Variants in ATL1 observed in about 807,000 individuals in gnomAD.
ATL1 encodes the protein atlastin GTPase 1, also known as atlastin-1.
Under a neutral mutation model 75.5 loss-of-function variants are expected in ATL1, and 31 were observed. The ratio of observed to expected loss-of-function variants is 0.41; its 90% CI spans 0.31 to 0.55. The LOEUF is 0.55. ATL1 is among the 20% of genes least tolerant of loss of function. The pLI, the probability that ATL1 is intolerant of heterozygous loss-of-function variation, is 0.27. For missense variants in ATL1, 405 were observed against 662.6 expected (o/e 0.61, Z 4.27); for synonymous variants, 226 against 233.3 (o/e 0.97, Z 0.28).
At chr14:50,591,428 A>G (rs1251915612) in intron 3 of ATL1, 107 bp from the exon 4 acceptor site, 3 of 746,748 alleles carry the variant, frequency 4.0e-6, no homozygotes, top group African/African-American at 3.5e-5. Flanking sequence ...TATCTAAAAT[A>G]GTATTGATTA....
chr14:50,543,020 A>C (rs941862152), intron 1 of ATL1, among the ~76,000 whole-genome samples: 1 of 152,246 alleles, frequency 6.6e-6, no homozygotes, highest in African/African-American at 2.4e-5. Context: ...AAAATTGCCC[A>C]GAATGTGAAA....
At chr14:50,543,307 G>A (rs1303009463) in intron 1 of ATL1, among the ~76,000 whole-genome samples, 1 of 152,240 alleles carries the variant, frequency 6.6e-6, no homozygotes, top group Non-Finnish European at 1.5e-5. Context: ...TCCCTTGACA[G>A]ATAAGTCAAC....
chr14:50,534,948 A>G (rs138411811), intron 1 of ATL1, among the ~76,000 whole-genome samples: 318 of 152,346 alleles, frequency 2.1e-3, no homozygotes, highest in African/African-American at 7.4e-3. Context: ...GTTGAAGTTT[A>G]TGTAATAATA....
At chr14:50,580,026 T>A (rs1024166649) in intron 1 of ATL1, among the ~76,000 whole-genome samples, 3 of 152,248 alleles carry the variant, frequency 2.0e-5, no homozygotes, top group Non-Finnish European at 4.4e-5. Flanking sequence ...TTAACTTTTT[T>A]AATCTACTGC....
chr14:50,567,746 GTTGT>G (rs752347228), intron 1 of ATL1, among the ~76,000 whole-genome samples: 1 of 152,076 alleles, frequency 6.6e-6, no homozygotes, highest in African/African-American at 2.4e-5. Flanking sequence ...TTGATCATTT[GTTGT>G]TTAAGAGTGT....
rs374951556 is a variant in ATL1, at chr14:50,583,336, A to G, written c.35-4495A>G. ...ACATTTAAAAAACCCAAAAGTATCT[A>G]CATAAATTTTACAGGAAATAATAAA... is the stretch of plus-strand genomic sequence containing the variant. On this transcript the variant is annotated intron_variant, in intron 1 of 13. Transcript: ENST00000358385. Among the ~76,000 whole-genome samples the G allele has an allele frequency of 9.8e-5, 15 of 152,354 alleles. No individual in the cohort carries two copies. The East Asian group carries it at 2.9e-3, about 29-fold the overall frequency.
upstream of ATL1, among the ~76,000 whole-genome samples, chr14:50,556,150 A>G (rs767911132): frequency 2.0e-4 from 31 of 152,190 alleles, no homozygotes; most frequent in Non-Finnish European, 2.8e-4. Context: ...TGACTTTTTA[A>G]AAACATTTGT....
At chr14:50,580,023 T>G (rs934098361) in intron 1 of ATL1, among the ~76,000 whole-genome samples, 4 of 152,242 alleles carry the variant, frequency 2.6e-5, no homozygotes, top group Non-Finnish European at 5.9e-5. Context: ...AAATTAACTT[T>G]TTTAATCTAC....
chr14:50,600,179 A>T (rs965214786), intron 6 of ATL1, among the ~76,000 whole-genome samples: 2 of 152,080 alleles, frequency 1.3e-5, no homozygotes, highest in Non-Finnish European at 2.9e-5. Context: ...TGCCAGAAAC[A>T]TTAAAACTGG....
At chr14:50,590,865 A>G (rs1256615134) in intron 2 of ATL1, 76 bp from the exon 3 acceptor site, 2 of 1,468,194 alleles carry the variant, frequency 1.4e-6, no homozygotes, top group Non-Finnish European at 9.5e-7. Context: ...GGAGAGGGAT[A>G]AGAATCAGAA....
chr14:50,564,476 C>T (rs1260559241), intron 1 of ATL1, among the ~76,000 whole-genome samples: 1 of 151,456 alleles, frequency 6.6e-6, no homozygotes, highest in African/African-American at 2.4e-5. Flanking sequence ...GGTGAAACCC[C>T]GTCTCTACTG....
At chr14:50,573,539 T>C (rs1314137050) in intron 1 of ATL1, among the ~76,000 whole-genome samples, 1 of 152,220 alleles carries the variant, frequency 6.6e-6, no homozygotes, top group Non-Finnish European at 1.5e-5. Context: ...ATTCGATTTA[T>C]GTACTAATGC....
At chr14:50,542,955 G>A (rs981062715) in intron 1 of ATL1, among the ~76,000 whole-genome samples, 1 of 152,226 alleles carries the variant, frequency 6.6e-6, no homozygotes, top group Admixed American at 6.5e-5. Context: ...TTACTTGGAA[G>A]GAAGAAGATT....
chr14:50,590,886 GA>G, intron 2 of ATL1, 54 bp from the exon 3 acceptor site: 1 of 1,577,488 alleles, frequency 6.3e-7, no homozygotes. Flanking sequence ...TGAATGAATG[GA>G]AAAAACTATA....
chr14:50,535,854 G>T (rs2038484574), intron 1 of ATL1, among the ~76,000 whole-genome samples: 1 of 152,172 alleles, frequency 6.6e-6, no homozygotes, highest in African/African-American at 2.4e-5. Flanking sequence ...CCCACGTGTT[G>T]TGGGAGGGAC....
intron 11 of ATL1, among the ~76,000 whole-genome samples, chr14:50,623,950 G>A (rs2039492199): frequency 6.6e-6 from 1 of 152,168 alleles, no homozygotes; most frequent in Non-Finnish European, 1.5e-5. Flanking sequence ...AGCTACTTGG[G>A]AGGCTGAAGC....
At chr14:50,550,113 G>A (rs2038683134) in intron 1 of ATL1, among the ~76,000 whole-genome samples, 1 of 152,178 alleles carries the variant, frequency 6.6e-6, no homozygotes, top group Non-Finnish European at 1.5e-5. Flanking sequence ...TTTGAGGGAG[G>A]TCTGAGAGCC....
intron 1 of ATL1, among the ~76,000 whole-genome samples, chr14:50,576,882 T>C (rs1566719498): frequency 1.3e-5 from 2 of 151,898 alleles, no homozygotes; most frequent in African/African-American, 4.8e-5. Flanking sequence ...CAGCCTATTT[T>C]AGATTAGCAA....
At chr14:50,552,784 A>G (rs967907556) in intron 1 of ATL1, among the ~76,000 whole-genome samples, 1 of 152,202 alleles carries the variant, frequency 6.6e-6, no homozygotes, top group Non-Finnish European at 1.5e-5. Context: ...TATTCAATAA[A>G]TGGTGCTGGG....
Sources: allele counts gnomAD v4.1 joint callset (sites outside exome capture counted in the v4.1 genomes callset), GRCh38; gene constraint gnomAD v4.1.1; transcripts MANE v1.5; gene names NCBI Gene and HGNC (gene_info 2026-07-23, HGNC 2026-07-21).